Variants in KLF7 observed in about 807,000 individuals in gnomAD.
KLF7 encodes the protein Krueppel-like factor 7.
KLF7 carries 2 observed loss-of-function variants against 27.3 expected under a neutral mutation model. The ratio of observed to expected loss-of-function variants is 0.07; its 90% CI spans 0.03 to 0.23. The LOEUF is 0.23. Ranked by LOEUF, KLF7 falls within the 10% of genes least tolerant of loss-of-function variation. The pLI is 1.00. For synonymous variants in KLF7, 165 were observed against 162.4 expected (o/e 1.02, Z -0.12); for missense variants, 221 against 394.1 (o/e 0.56, Z 3.72).
intron 1 of KLF7, 95 bp from the exon 2 acceptor site, chr2:207,124,499 G>C: frequency 7.8e-7 from 1 of 1,273,896 alleles, no homozygotes; most frequent in Non-Finnish European, 1.1e-6. Flanking sequence ...GGTGCAGAGA[G>C]AATGGTGTCA....
intron 1 of KLF7, among the ~76,000 whole-genome samples, chr2:207,164,544 A>G (rs1417392423): frequency 2.0e-5 from 3 of 149,904 alleles, no homozygotes; most frequent in Non-Finnish European, 4.4e-5. Context: ...CAGAGCCAGC[A>G]CTTTCCACTG....
intron 1 of KLF7, among the ~76,000 whole-genome samples, chr2:207,141,500 G>T (rs541522087): frequency 6.6e-6 from 1 of 152,280 alleles, no homozygotes; most frequent in South Asian, 2.1e-4. Context: ...ATGAGGGGTG[G>T]GGACTGTGGT....
intron 3 of KLF7, among the ~76,000 whole-genome samples, chr2:207,084,048 A>T (rs1205839126): frequency 6.6e-6 from 1 of 152,228 alleles, no homozygotes; most frequent in East Asian, 1.9e-4. Flanking sequence ...GTAAGACCAT[A>T]AACTTGAAAA....
intron 1 of KLF7, among the ~76,000 whole-genome samples, chr2:207,161,158 T>C (rs1211081822): frequency 6.6e-6 from 1 of 152,250 alleles, no homozygotes; most frequent in Non-Finnish European, 1.5e-5. Flanking sequence ...GAAATGAATC[T>C]ATTAAAGGCT....
chr2:207,088,703 T>G, intron 2 of KLF7, 122 bp from the exon 3 acceptor site: 1 of 1,060,272 alleles, frequency 9.4e-7, no homozygotes, highest in Non-Finnish European at 1.3e-6. Flanking sequence ...CCTGAAAGAC[T>G]AGATTTCCTA....
chr2:207,075,147 C>T lies in KLF7; in HGVS notation c.*6066G>A, dbSNP rs944896123. The stretch of plus-strand genomic sequence containing the variant: ...CATATTACATTCTTAAATAAAAATG[C>T]GTCACATAACATTTTTTGCATAGAT... On this transcript the variant is annotated 3_prime_UTR_variant, in exon 4 of 4. Transcript: ENST00000309446. 2.6e-5 allele frequency: 4 copies of T among 151,920 alleles called. No homozygotes were observed. Among genetic ancestry groups the T allele is most frequent in the African/African-American group, 9.7e-5 (4 of 41,354 alleles). 9.4% of individuals were successfully genotyped at this position (151,920 alleles called of 1,614,324 possible).
intron 1 of KLF7, among the ~76,000 whole-genome samples, chr2:207,148,280 C>T (rs1401966632): frequency 6.6e-6 from 1 of 152,216 alleles, no homozygotes; most frequent in Non-Finnish European, 1.5e-5. Context: ...GAGAGGCTGA[C>T]ATTCCTGTCC....
chr2:207,159,115 T>C (rs1412540223), intron 1 of KLF7, among the ~76,000 whole-genome samples: 1 of 152,256 alleles, frequency 6.6e-6, no homozygotes, highest in African/African-American at 2.4e-5. Context: ...ACTTTCAAAA[T>C]GACCCTCAGG....
chr2:207,158,821 T>G (rs1418407698), intron 1 of KLF7, among the ~76,000 whole-genome samples: 3 of 152,202 alleles, frequency 2.0e-5, no homozygotes, highest in Non-Finnish European at 4.4e-5. Context: ...GGAATTTTCT[T>G]GCCTCCTTTG....
chr2:207,074,967 A>C lies in KLF7; in HGVS notation c.*6246T>G, dbSNP rs1277645239. ...TTCCCAAACGAAGATAACCTAATAC[A>C]ACCTTTTGCTTTCCCTTTCTCCAAG... On this transcript the variant is annotated 3_prime_UTR_variant, in exon 4 of 4. Transcript: ENST00000309446. 1 of 152,112 alleles carries C rather than the reference A, an allele frequency of 6.6e-6. No individual in the cohort carries two copies. The highest frequency in any genetic ancestry group is 2.4e-5 in the African/African-American group (1 of 41,422). 9.4% of individuals were successfully genotyped at this position (152,112 alleles called of 1,614,324 possible).
intron 1 of KLF7, among the ~76,000 whole-genome samples, chr2:207,141,143 A>G (rs956267912): frequency 6.6e-6 from 1 of 152,210 alleles, no homozygotes; most frequent in African/African-American, 2.4e-5. Flanking sequence ...CTCCGTGAAT[A>G]TAATAAATTT....
chr2:207,138,879 G>A (rs1414453957), intron 1 of KLF7, among the ~76,000 whole-genome samples: 1 of 152,236 alleles, frequency 6.6e-6, no homozygotes, highest in Admixed American at 6.5e-5. Context: ...CGATGTTTGT[G>A]TCTGTGTCTG....
intron 1 of KLF7, among the ~76,000 whole-genome samples, chr2:207,151,395 G>A (rs1267965103): frequency 6.6e-6 from 1 of 152,094 alleles, no homozygotes. Context: ...AATTGAGGAG[G>A]GCAGGGGGGA....
intron 3 of KLF7, among the ~76,000 whole-genome samples, chr2:207,087,880 G>T (rs548312655): frequency 1.3e-5 from 2 of 152,232 alleles, no homozygotes; most frequent in Non-Finnish European, 2.9e-5. Context: ...ATTACAGGAG[G>T]AGTTCTCAAA....
chr2:207,160,403 C>G (rs1234948161), intron 1 of KLF7, among the ~76,000 whole-genome samples: 1 of 152,128 alleles, frequency 6.6e-6, no homozygotes, highest in African/African-American at 2.4e-5. Flanking sequence ...ACTGATATAT[C>G]GAGTGAACTG....
chr2:207,137,983 A>C (rs1441630929), intron 1 of KLF7, among the ~76,000 whole-genome samples: 1 of 152,200 alleles, frequency 6.6e-6, no homozygotes, highest in Non-Finnish European at 1.5e-5. Flanking sequence ...ACAGGGAAAA[A>C]AATCAAGTGC....
rs1391696378 is a variant in KLF7, at chr2:207,077,708, C to T, written c.*3505G>A. ...CATGGGTGGGGCAGGAGGCCAGTAG[C>T]TAGGAGCAGCATTATAATTTCAGGT... On this transcript the variant is annotated 3_prime_UTR_variant, in exon 4 of 4. Coordinates refer to ENST00000309446, the MANE Select transcript of KLF7 (RefSeq NM_003709.4). The T allele has an allele frequency of 1.3e-5, 2 of 151,984 alleles. No individual in the cohort carries two copies. The highest frequency in any genetic ancestry group is 1.9e-4 in the East Asian group (1 of 5,182). The allele number at this position is 151,984 out of a possible 1,614,324, so 9.4% of individuals were successfully genotyped here. A position where few individuals can be genotyped will look rare whatever the true frequency, so the allele number is the denominator to read the frequency against.
At chr2:207,118,425 T>C (rs1406389083) in intron 2 of KLF7, among the ~76,000 whole-genome samples, 1 of 152,248 alleles carries the variant, frequency 6.6e-6, no homozygotes, top group Non-Finnish European at 1.5e-5. Flanking sequence ...AATTCTCACC[T>C]ATTTAGAGAG....
At chr2:207,169,207 T>A (rs1395942645), upstream of KLF7, among the ~76,000 whole-genome samples, 1 of 152,164 alleles carries the variant, frequency 6.6e-6, no homozygotes, top group Non-Finnish European at 1.5e-5. Flanking sequence ...TCTAATAATG[T>A]CAATCTTTGG....
Sources: allele counts gnomAD v4.1 joint callset (sites outside exome capture counted in the v4.1 genomes callset), GRCh38; gene constraint gnomAD v4.1.1; transcripts MANE v1.5; gene names NCBI Gene and HGNC (gene_info 2026-07-23, HGNC 2026-07-21).